Variants in ERV3-1 observed in about 807,000 individuals in gnomAD.
ERV3-1 encodes the protein endogenous retrovirus group 3 member 1, envelope.
Under a neutral mutation model 24.6 loss-of-function variants are expected in ERV3-1, and 36 were observed. The ratio of observed to expected loss-of-function variants is 1.47; its 90% CI spans 1.12 to 1.94. The LOEUF (loss-of-function observed/expected upper bound fraction) is 1.94, where lower values mean the gene tolerates loss of function less well. ERV3-1 is among the 30% of genes most tolerant of loss of function. The pLI is 0.00. For missense variants in ERV3-1, 578 were observed against 330.9 expected (o/e 1.75, Z -5.79); for synonymous variants, 211 against 122.6 (o/e 1.72, Z -4.76).
intron 1 of ERV3-1, among the ~76,000 whole-genome samples, chr7:64,997,645 C>T (rs1378411855): frequency 1.1e-4 from 17 of 152,116 alleles, no homozygotes; most frequent in Admixed American, 1.1e-3. Flanking sequence ...TATGCCTGGA[C>T]ATTAAGTGTG....
At chr7:65,004,372 C>CAAAACA (rs1216751909) in intron 1 of ERV3-1, 1 of 152,046 alleles carries the variant, frequency 6.6e-6, no homozygotes, top group African/African-American at 2.4e-5. Flanking sequence ...CAAAACAAAA[C>CAAAACA]AAAACAAAAA....
At chr7:65,001,641 C>A (rs1044128715) in intron 1 of ERV3-1, among the ~76,000 whole-genome samples, 8 of 152,114 alleles carry the variant, frequency 5.3e-5, no homozygotes, top group Admixed American at 2.0e-4. Context: ...CCTCAAATCC[C>A]AGGACAATGG....
chr7:65,006,655 A>T lies in ERV3-1; in HGVS notation c.-503T>A, dbSNP rs1466851631. The T allele has an allele frequency of 6.6e-7, 1 of 1,516,852 alleles. No homozygotes were observed. Among genetic ancestry groups the T allele is most frequent in the Non-Finnish European group, 9.1e-7 (1 of 1,095,550 alleles). 94.0% of individuals were successfully genotyped at this position (1,516,852 alleles called of 1,614,324 possible). ...GAGCAGAAGACACAGAGCAGTGAAGACTACACCAGAAGCTCCGGCTGCCGC... is the reference window on the plus strand; with the variant it reads ...GAGCAGAAGACACAGAGCAGTGAAGTCTACACCAGAAGCTCCGGCTGCCGC... On this transcript the variant is annotated 5_prime_UTR_variant, in exon 1 of 2. Transcript: ENST00000394323.
chr7:65,000,614 A>G (rs1167972981), intron 1 of ERV3-1, among the ~76,000 whole-genome samples: 3 of 152,152 alleles, frequency 2.0e-5, no homozygotes, highest in Non-Finnish European at 4.4e-5. Context: ...CCACATCTCT[A>G]CAAAAAGTAC....
intron 1 of ERV3-1, chr7:65,006,244 T>A (rs1159442667): frequency 4.2e-6 from 2 of 472,352 alleles, no homozygotes; most frequent in Non-Finnish European, 7.7e-6. Flanking sequence ...GACCGTCCAG[T>A]GGTCCCTGCA....
In ERV3-1 at chr7:64,992,681, C is replaced by T. The variant is rs962948728; in HGVS notation, c.346G>A (p.Val116Ile). Residue 116 changes from valine (V) to isoleucine (I), a missense_variant, in exon 2 of 2, where the codon GTC (valine) becomes ATC (isoleucine). Val to Ile is a conservative substitution (Grantham distance 29). Coordinates refer to ENST00000394323, the MANE Select transcript of ERV3-1 (RefSeq NM_001007253.4). The part of the protein sequence containing the change: ...QTKVFPSGKD[V>I]VSLYFDVCQI... Reference sequence around the variant, plus strand: ...CAAACATCAAAGTATAAGGATACGACATCCTTGCCAGAGGGAAATACCTTG... The same window carrying T: ...CAAACATCAAAGTATAAGGATACGATATCCTTGCCAGAGGGAAATACCTTG... 1 of 766,396 alleles carries T rather than the reference C, an allele frequency of 1.3e-6. No individual in the cohort carries two copies. The highest frequency in any genetic ancestry group is 2.4e-6 in the Non-Finnish European group (1 of 417,902). 47.5% of individuals were successfully genotyped at this position (766,396 alleles called of 1,614,324 possible).
In ERV3-1 at chr7:64,996,503, A is replaced by T. The variant is rs561663423; in HGVS notation, c.-388-3089T>A. 6.6e-5 allele frequency among the ~76,000 whole-genome samples: 10 copies of T among 152,338 alleles called. No homozygotes were observed. The East Asian group carries it at 1.7e-3, about 26-fold the overall frequency. Reference sequence around the variant, plus strand: ...GCATTGGTGCCTGTACTTCATGTATAGTCTCCATTCCTCAGCCTGCGGGAT... The same window carrying T: ...GCATTGGTGCCTGTACTTCATGTATTGTCTCCATTCCTCAGCCTGCGGGAT... On this transcript the variant is annotated intron_variant, in intron 1 of 1. Coordinates refer to ENST00000394323, the MANE Select transcript of ERV3-1 (RefSeq NM_001007253.4).
Position 64,992,118 on chromosome 7 carries a change from T to C in ERV3-1, c.909A>G (p.Gln303=), listed in dbSNP as rs753219124. Residue 303 remains glutamine (Q), a synonymous_variant, in exon 2 of 2, where the codon CAA becomes CAG. Coordinates refer to ENST00000394323, the MANE Select transcript of ERV3-1 (RefSeq NM_001007253.4). ...YVCGGMNMGD[Q]WPWEARELMP... is the part of the protein sequence containing the mutation. ...TTAGTTCCCTTGCTTCCCATGGCCATTGGTCTCCCATGTTCATTCCCCCAC... is the reference window on the plus strand; with the variant it reads ...TTAGTTCCCTTGCTTCCCATGGCCACTGGTCTCCCATGTTCATTCCCCCAC... 1 of 766,402 alleles carries C rather than the reference T, an allele frequency of 1.3e-6. No individual in the cohort carries two copies. The highest frequency in any genetic ancestry group is 1.7e-5 in the African/African-American group (1 of 59,236). The allele number at this position is 766,402 out of a possible 1,614,324, so 47.5% of individuals were successfully genotyped here.
At chr7:65,002,474 C>T (rs1017145772) in intron 1 of ERV3-1, among the ~76,000 whole-genome samples, 1 of 150,134 alleles carries the variant, frequency 6.7e-6, no homozygotes, top group Non-Finnish European at 1.5e-5. Context: ...CAGGCACATG[C>T]AACCATGCCT....
At chr7:64,997,879 G>T (rs1001158016) in intron 1 of ERV3-1, among the ~76,000 whole-genome samples, 1 of 152,102 alleles carries the variant, frequency 6.6e-6, no homozygotes, top group African/African-American at 2.4e-5. Flanking sequence ...GGTTGAAAAA[G>T]GCTGGTAAAT....
intron 1 of ERV3-1, among the ~76,000 whole-genome samples, chr7:65,000,145 A>G (rs1421397208): frequency 6.7e-6 from 1 of 149,600 alleles, no homozygotes; most frequent in Non-Finnish European, 1.5e-5. Context: ...TGGAATCACC[A>G]TAAACACCTA....
In ERV3-1 at chr7:64,992,411, CTAAGATGG is replaced by C. The variant is rs1786295507; in HGVS notation, c.608_615del (p.Thr203ArgfsTer22). The C allele has an allele frequency of 1.3e-6, 1 of 766,346 alleles. No homozygotes were observed. The highest frequency in any genetic ancestry group is 2.4e-6 in the Non-Finnish European group (1 of 417,904). 47.5% of individuals were successfully genotyped at this position (766,346 alleles called of 1,614,324 possible). Reference sequence around the variant, plus strand: ...GTTGTCCATATGGGCTGATCTGGCTCTAAGATGGTAAGATTTACAGAATTGCAAGTGCT... The same window carrying C: ...GTTGTCCATATGGGCTGATCTGGCTCTAAGATTTACAGAATTGCAAGTGCT... On this transcript the variant is annotated frameshift_variant, in exon 2 of 2. Coordinates refer to ENST00000394323, the MANE Select transcript of ERV3-1 (RefSeq NM_001007253.4). LOFTEE classifies it high-confidence loss of function.
At position 64,991,281 on chromosome 7, in the gene ERV3-1, C is replaced by A; in HGVS notation, c.1746G>T (p.Lys582Asn). 1.4e-6 allele frequency: 1 copy of A among 727,156 alleles called. No individual in the cohort carries two copies. 45.0% of individuals were successfully genotyped at this position (727,156 alleles called of 1,614,324 possible). The change falls in exon 2 of 2, where the codon AAG becomes AAT. Residue 582 changes from lysine to asparagine, a missense_variant. Coordinates refer to ENST00000394323, the MANE Select transcript of ERV3-1 (RefSeq NM_001007253.4). ...TTTTAGCAGTTATTTCTTTGATGAC[C>A]TTTCCTTCGTCATCAAGTTCCAGGC... ...NCCLELDDEG[K>N]VIKEITAKIQ...
At chr7:64,998,812 T>C (rs1786461084) in intron 1 of ERV3-1, among the ~76,000 whole-genome samples, 1 of 152,158 alleles carries the variant, frequency 6.6e-6, no homozygotes, top group Non-Finnish European at 1.5e-5. Flanking sequence ...TCTCGGTCGG[T>C]TCCACACTTC....
rs1786515464 is a variant in ERV3-1, at chr7:65,001,236, T to C, written c.-389+5305A>G. ...AGCATAATGTACGTGTAAGGAATGG[T>C]TTGTGCTACAGATAGTGGTCCAGGT... On this transcript the variant is annotated intron_variant, in intron 1 of 1. Transcript: ENST00000394323. Among the ~76,000 whole-genome samples, 3 of 152,262 alleles carry C rather than the reference T, an allele frequency of 2.0e-5. No individual in the cohort carries two copies. The South Asian group carries it at 6.2e-4, about 32-fold the overall frequency.
rs1030520464 is a variant in ERV3-1 at position 64,992,069 on chromosome 7, T to A, written c.958A>T (p.Thr320Ser). The change falls in exon 2 of 2, where the codon ACC becomes TCC. Residue 320 changes from threonine (T) to serine (S), a missense_variant. Coordinates refer to ENST00000394323, the MANE Select transcript of ERV3-1 (RefSeq NM_001007253.4). ...GGTGCAGGTTCGAGGGAAGAGGCGG[T>A]TAGTGTGAAATTATCTTGGGGCATT... ...ELMPQDNFTL[T>S]ASSLEPAPSS... is the part of the protein sequence containing the mutation. 2.6e-6 allele frequency: 2 copies of A among 766,176 alleles called. No individual in the cohort carries two copies. The highest frequency in any genetic ancestry group is 3.4e-5 in the African/African-American group (2 of 59,150). 47.5% of individuals were successfully genotyped at this position (766,176 alleles called of 1,614,324 possible).
At chr7:65,002,279 A>G (rs1786540411) in intron 1 of ERV3-1, among the ~76,000 whole-genome samples, 1 of 152,120 alleles carries the variant, frequency 6.6e-6, no homozygotes, top group Non-Finnish European at 1.5e-5. Context: ...TCTTTTTTGT[A>G]TTAAAAAATT....
rs773856955 is a variant in ERV3-1, at chr7:64,992,471, T to C, written c.556A>G (p.Ile186Val). Residue 186 changes from isoleucine to valine, a missense_variant, in exon 2 of 2, where the codon ATA (isoleucine) becomes GTA (valine). Physicochemically the swap from Ile to Val is conservative, Grantham distance 29. Coordinates refer to ENST00000394323, the MANE Select transcript of ERV3-1 (RefSeq NM_001007253.4). ...QSLGPIMLTKIPLEPDCKTST... is the reference protein window; with the variant it reads ...QSLGPIMLTKVPLEPDCKTST... ...GTTTTACAATCTGGTTCTAATGGTA[T>C]TTTGGTAAGCATAATTGGCCCTAGT... 1 of 766,238 alleles carries C rather than the reference T, an allele frequency of 1.3e-6. No homozygotes were observed. Among genetic ancestry groups the C allele is most frequent in the African/African-American group, 1.7e-5 (1 of 59,108 alleles). 47.5% of individuals were successfully genotyped at this position (766,238 alleles called of 1,614,324 possible). A position where few individuals can be genotyped will look rare whatever the true frequency, so the allele number is the denominator to read the frequency against.
At chr7:65,001,472 G>A (rs1786522597) in intron 1 of ERV3-1, among the ~76,000 whole-genome samples, 2 of 152,204 alleles carry the variant, frequency 1.3e-5, no homozygotes, top group Admixed American at 1.3e-4. Flanking sequence ...TCCTAAGGTG[G>A]TGCCTAGTCC....
Sources: gnomAD v4.1 joint callset for allele counts (sites outside exome capture counted in the v4.1 genomes callset) on GRCh38, gnomAD v4.1.1 for gene constraint, MANE v1.5 for transcripts, NCBI Gene and HGNC (gene_info 2026-07-23, HGNC 2026-07-21) for gene names.